The following CHCHD6 variants were observed in gnomAD, a reference collection of about 807,000 sequenced individuals.
The protein encoded by CHCHD6 is coiled-coil-helix-coiled-coil-helix domain containing 6, also known as MICOS complex subunit MIC25.
CHCHD6 carries 28 observed loss-of-function variants against 32.3 expected under a neutral mutation model. That is an observed-to-expected ratio of 0.87 (90% CI 0.64 to 1.19). The LOEUF (loss-of-function observed/expected upper bound fraction) is 1.19, where lower values mean the gene tolerates loss of function less well. CHCHD6 is among the 50% of genes most tolerant of loss of function. The pLI is 0.00. For synonymous variants in CHCHD6, 122 were observed against 117.5 expected (o/e 1.04, Z -0.25); for missense variants, 333 against 307.0 (o/e 1.08, Z -0.63).
intron 6 of CHCHD6, among the ~76,000 whole-genome samples, chr3:126,953,913 TATGC>T (rs2078750581): frequency 6.6e-6 from 1 of 152,204 alleles, no homozygotes; most frequent in African/African-American, 2.4e-5. Flanking sequence ...AGCTGTTTTG[TATGC>T]ATTGTAAACA....
chr3:126,781,016 A>G (rs1388213682), intron 4 of CHCHD6, among the ~76,000 whole-genome samples: 1 of 152,090 alleles, frequency 6.6e-6, no homozygotes, highest in Non-Finnish European at 1.5e-5. Flanking sequence ...CATTGGCTGG[A>G]GCTGAGACCT....
chr3:126,772,203 G>T (rs890762932), intron 4 of CHCHD6, among the ~76,000 whole-genome samples: 3 of 152,110 alleles, frequency 2.0e-5, no homozygotes, highest in African/African-American at 7.2e-5. Context: ...CTGGGTTCAC[G>T]CCATTCTCCT....
chr3:126,928,015 A>G (rs2078349690), intron 6 of CHCHD6, among the ~76,000 whole-genome samples: 1 of 152,210 alleles, frequency 6.6e-6, no homozygotes, highest in Non-Finnish European at 1.5e-5. Flanking sequence ...TCCTGAGGAC[A>G]CTGCCCTGGG....
At position 126,842,835 on chromosome 3, in the gene CHCHD6, G is replaced by A. The variant is rs557853540; in HGVS notation, c.412-9812G>A. ...CTTTTTTTTTTTTTTTTTTTGGTGG[G>A]TGTGACCTGCAAGAGTGGGATGTTT... On this transcript the variant is annotated intron_variant, in intron 4 of 7. Coordinates refer to ENST00000290913, the MANE Select transcript of CHCHD6 (RefSeq NM_032343.3). Among the ~76,000 whole-genome samples, 210 of 145,876 alleles carry A rather than the reference G, an allele frequency of 1.4e-3. 1 individual carries two copies. The highest frequency in any genetic ancestry group is 5.2e-3 in the African/African-American group (206 of 39,516).
At position 126,865,544 on chromosome 3, in the gene CHCHD6, C is replaced by T. The variant is rs1038118563; in HGVS notation, c.495+12814C>T. ...CCATCCTCCATAACCTCCTCCTCCA[C>T]GTCCACTTGCACTTCTGCAACCTCT... is the stretch of plus-strand genomic sequence containing the variant. On this transcript the variant is annotated intron_variant, in intron 5 of 7. Coordinates refer to ENST00000290913, the MANE Select transcript of CHCHD6 (RefSeq NM_032343.3). 1.5e-5 allele frequency: 15 copies of T among 984,502 alleles called. No individual in the cohort carries two copies. The African/African-American group carries it at 1.7e-4, about 11-fold the overall frequency. 61.0% of individuals were successfully genotyped at this position (984,502 alleles called of 1,614,324 possible).
At chr3:126,861,705 C>T (rs1382923319) in intron 5 of CHCHD6, among the ~76,000 whole-genome samples, 1 of 146,096 alleles carries the variant, frequency 6.8e-6, no homozygotes, top group Non-Finnish European at 1.5e-5. Context: ...CCACCTCCCC[C>T]TCCACGACCA....
chr3:126,936,932 C>G (rs919371408), intron 6 of CHCHD6, among the ~76,000 whole-genome samples: 5 of 152,182 alleles, frequency 3.3e-5, no homozygotes. Context: ...TTGGACAGAA[C>G]TATTGGTCCC....
chr3:126,933,981 G>T (rs1387806749), intron 6 of CHCHD6, among the ~76,000 whole-genome samples: 1 of 152,170 alleles, frequency 6.6e-6, no homozygotes, highest in Non-Finnish European at 1.5e-5. Context: ...TAACCAGAGA[G>T]CTTGCCCGTT....
intron 5 of CHCHD6, among the ~76,000 whole-genome samples, chr3:126,910,944 A>T (rs1458246835): frequency 1.3e-5 from 2 of 152,146 alleles, no homozygotes; most frequent in Non-Finnish European, 2.9e-5. Flanking sequence ...ACAGAGGAGT[A>T]GGGATAGGGC....
At chr3:126,754,028 G>T (rs1419140854) in intron 4 of CHCHD6, among the ~76,000 whole-genome samples, 1 of 152,190 alleles carries the variant, frequency 6.6e-6, no homozygotes, top group East Asian at 1.9e-4. Context: ...AGTCCCAGCA[G>T]CATTGACATC....
At chr3:126,727,611 C>T (rs572586106) in intron 2 of CHCHD6, among the ~76,000 whole-genome samples, 8 of 152,292 alleles carry the variant, frequency 5.3e-5, no homozygotes, top group South Asian at 4.1e-4. Flanking sequence ...AGGCGCCTAC[C>T]GCAGCAGCCC....
intron 4 of CHCHD6, among the ~76,000 whole-genome samples, chr3:126,822,982 T>G (rs926692314): frequency 1.3e-5 from 2 of 152,144 alleles, no homozygotes; most frequent in Non-Finnish European, 2.9e-5. Flanking sequence ...TGTGGCTCAC[T>G]GCAGCCTCAG....
intron 5 of CHCHD6, among the ~76,000 whole-genome samples, chr3:126,863,902 ACCT>A (rs1219139949): frequency 2.3e-5 from 3 of 127,912 alleles, no homozygotes; most frequent in Non-Finnish European, 3.3e-5. Context: ...CACCATCAAC[ACCT>A]CCTCCTCCTC....
In CHCHD6 at chr3:126,867,743, CACTGGTG is replaced by C. The variant is rs1942335781; in HGVS notation, c.495+15016_495+15022del. On this transcript the variant is annotated intron_variant, in intron 5 of 7. Transcript: ENST00000290913. ...ACAGATGCTTGTGCCACCCCCAATC[CACTGGTG>C]ACCAAGTCCTGCCCACATCATTGAG... Among the ~76,000 whole-genome samples, 3 of 150,180 alleles carry C rather than the reference CACTGGTG, an allele frequency of 2.0e-5. No homozygotes were observed. In the South Asian group the frequency reaches 6.2e-4, roughly 31 times the overall value.
At chr3:126,757,411 A>AG (rs1316816446) in intron 4 of CHCHD6, among the ~76,000 whole-genome samples, 1 of 152,242 alleles carries the variant, frequency 6.6e-6, no homozygotes, top group South Asian at 2.1e-4. Flanking sequence ...GTGGTGGGGC[A>AG]GGGGGGCTCA....
At chr3:126,793,675 A>G (rs1277415888) in intron 4 of CHCHD6, among the ~76,000 whole-genome samples, 1 of 152,122 alleles carries the variant, frequency 6.6e-6, no homozygotes, top group East Asian at 1.9e-4. Flanking sequence ...CTTCATTCCA[A>G]ACATGTTCTC....
At chr3:126,869,819 A>G (rs1355145149) in intron 5 of CHCHD6, among the ~76,000 whole-genome samples, 1 of 152,092 alleles carries the variant, frequency 6.6e-6, no homozygotes, top group African/African-American at 2.4e-5. Flanking sequence ...GTCATTTTTT[A>G]AGTTTGTTAA....
chr3:126,813,665 A>G (rs1452212808), intron 4 of CHCHD6, among the ~76,000 whole-genome samples: 4 of 152,130 alleles, frequency 2.6e-5, no homozygotes, highest in Admixed American at 6.5e-5. Flanking sequence ...GGGGGACCCC[A>G]CTCTCATGAC....
chr3:126,767,753 C>G lies in CHCHD6; in HGVS notation c.411+34531C>G, dbSNP rs140119170. On this transcript the variant is annotated intron_variant, in intron 4 of 7. Coordinates refer to ENST00000290913, the MANE Select transcript of CHCHD6 (RefSeq NM_032343.3). ...CTGATTCTCTCCGTCTTCCTACCTT[C>G]CACCCTCAAGTAGGCCCCAGTGTCT... is the stretch of plus-strand genomic sequence containing the variant. Among the ~76,000 whole-genome samples, 621 of 152,242 alleles carry G rather than the reference C, an allele frequency of 4.1e-3. 2 individuals carry two copies. Among genetic ancestry groups the G allele is most frequent in the African/African-American group, 0.013 (553 of 41,520 alleles).
Sources: gnomAD v4.1 joint callset for allele counts (sites outside exome capture counted in the v4.1 genomes callset) on GRCh38, gnomAD v4.1.1 for gene constraint, MANE v1.5 for transcripts, NCBI Gene and HGNC (gene_info 2026-07-23, HGNC 2026-07-21) for gene names.